The following ADGRL3 variants were observed in gnomAD, a reference collection of about 807,000 sequenced individuals.
ADGRL3 encodes the protein calcium-independent alpha-latrotoxin receptor 3.
ADGRL3 carries 62 observed loss-of-function variants against 153.5 expected under a neutral mutation model. The ratio of observed to expected loss-of-function variants is 0.40; its 90% CI spans 0.33 to 0.50. The LOEUF is 0.50. Ranked by LOEUF, ADGRL3 falls within the 20% of genes least tolerant of loss-of-function variation. The pLI is 0.47. For synonymous variants in ADGRL3, 710 were observed against 672.5 expected (o/e 1.06, Z -0.86); for missense variants, 1,641 against 1,859.4 (o/e 0.88, Z 2.16).
At chr4:62,008,199 A>C (rs2151205911) in intron 21 of ADGRL3, among the ~76,000 whole-genome samples, 1 of 152,282 alleles carries the variant, frequency 6.6e-6, no homozygotes, top group African/African-American at 2.4e-5. Flanking sequence ...GAAATGTAGT[A>C]GTGGACAGAG....
intron 5 of ADGRL3, among the ~76,000 whole-genome samples, chr4:61,670,564 C>T (rs1183493992): frequency 6.6e-6 from 1 of 151,948 alleles, no homozygotes; most frequent in Non-Finnish European, 1.5e-5. Flanking sequence ...AATTCTTGTC[C>T]CATGACCAAG....
At chr4:61,406,015 A>G (rs189107356) in intron 2 of ADGRL3, among the ~76,000 whole-genome samples, 18 of 152,108 alleles carry the variant, frequency 1.2e-4, no homozygotes, top group Admixed American at 3.3e-4. Flanking sequence ...AACTTCAAAC[A>G]TTTTATACAT....
chr4:61,623,885 G>A (rs895936406), intron 5 of ADGRL3, among the ~76,000 whole-genome samples: 2 of 152,104 alleles, frequency 1.3e-5, no homozygotes, highest in African/African-American at 4.8e-5. Flanking sequence ...AACATGAACT[G>A]AAACCAAGGA....
chr4:61,751,837 TG>T (rs1210820442), intron 8 of ADGRL3, among the ~76,000 whole-genome samples: 1 of 151,782 alleles, frequency 6.6e-6, no homozygotes, highest in African/African-American at 2.4e-5. Flanking sequence ...ATTGACAAAA[TG>T]GTGGAAATGG....
intron 23 of ADGRL3, 105 bp from the exon 24 acceptor site, chr4:62,037,626 G>A (rs1040468665): frequency 1.1e-5 from 13 of 1,205,394 alleles, no homozygotes; most frequent in Non-Finnish European, 1.6e-5. Context: ...TGTAGGGCAA[G>A]GAAATAATTA....
At chr4:61,491,479 C>A (rs974857905) in intron 2 of ADGRL3, among the ~76,000 whole-genome samples, 1 of 152,064 alleles carries the variant, frequency 6.6e-6, no homozygotes, top group African/African-American at 2.4e-5. Flanking sequence ...ACACAAATCA[C>A]GATTACTTTG....
At chr4:61,724,312 A>G (rs1222265481) in intron 6 of ADGRL3, among the ~76,000 whole-genome samples, 1 of 152,236 alleles carries the variant, frequency 6.6e-6, no homozygotes, top group Non-Finnish European at 1.5e-5. Context: ...AAAAGAGTCT[A>G]CTAAGAGAGC....
At chr4:61,862,163 C>T (rs956626636) in intron 9 of ADGRL3, among the ~76,000 whole-genome samples, 1 of 152,160 alleles carries the variant, frequency 6.6e-6, no homozygotes, top group African/African-American at 2.4e-5. Context: ...TTCTTTGTTT[C>T]CCCATGACTT....
intron 25 of ADGRL3, among the ~76,000 whole-genome samples, chr4:62,061,235 A>G (rs573458159): frequency 3.9e-5 from 6 of 152,008 alleles, no homozygotes; most frequent in Admixed American, 1.3e-4. Context: ...GGATTGCTAA[A>G]GTGCTGAGAT....
At chr4:61,821,427 A>G (rs1423113704) in intron 9 of ADGRL3, among the ~76,000 whole-genome samples, 1 of 151,752 alleles carries the variant, frequency 6.6e-6, no homozygotes, top group Non-Finnish European at 1.5e-5. Context: ...CAATGGCTTG[A>G]TCTCGTCTCA....
At chr4:61,740,411 C>T (rs1349882794) in intron 8 of ADGRL3, among the ~76,000 whole-genome samples, 3 of 152,114 alleles carry the variant, frequency 2.0e-5, no homozygotes, top group Admixed American at 2.0e-4. Context: ...GCATCACTTA[C>T]CTTTAGCTAT....
At chr4:62,056,791 A>G (rs1335008358) in intron 25 of ADGRL3, among the ~76,000 whole-genome samples, 1 of 152,140 alleles carries the variant, frequency 6.6e-6, no homozygotes, top group Admixed American at 6.6e-5. Context: ...AGAGAGAAAC[A>G]TGATGGACCG....
chr4:61,945,579 A>G (rs2098917541), intron 15 of ADGRL3, among the ~76,000 whole-genome samples: 1 of 132,658 alleles, frequency 7.5e-6, no homozygotes, highest in Admixed American at 7.8e-5. Flanking sequence ...TGTGCTAGCA[A>G]TCAGCGAGAT....
intron 5 of ADGRL3, among the ~76,000 whole-genome samples, chr4:61,635,002 G>T (rs1433977254): frequency 6.6e-6 from 1 of 152,132 alleles, no homozygotes; most frequent in Non-Finnish European, 1.5e-5. Context: ...ACTGAGGCGA[G>T]GGCAAGAAAA....
chr4:61,270,676 C>T (rs1206710089), intron 1 of ADGRL3, among the ~76,000 whole-genome samples: 1 of 151,644 alleles, frequency 6.6e-6, no homozygotes. Context: ...ATTAGGCAGA[C>T]TAAACATAAG....
chr4:61,656,213 C>T (rs1460726500), intron 5 of ADGRL3, among the ~76,000 whole-genome samples: 1 of 152,146 alleles, frequency 6.6e-6, no homozygotes, highest in Non-Finnish European at 1.5e-5. Context: ...TCTTTTGGTG[C>T]TATCACATAT....
At chr4:61,317,247 T>A (rs2095243294) in intron 1 of ADGRL3, among the ~76,000 whole-genome samples, 2 of 152,210 alleles carry the variant, frequency 1.3e-5, no homozygotes, top group Non-Finnish European at 2.9e-5. Flanking sequence ...GAACTAAATC[T>A]GGGAGTGTAT....
intron 7 of ADGRL3, among the ~76,000 whole-genome samples, chr4:61,731,546 G>A (rs1390264445): frequency 6.6e-6 from 1 of 151,984 alleles, no homozygotes; most frequent in Non-Finnish European, 1.5e-5. Flanking sequence ...GTTTCCCATG[G>A]TAGGTTCAGC....
intron 2 of ADGRL3, among the ~76,000 whole-genome samples, chr4:61,487,472 A>T (rs549776873): frequency 2.6e-5 from 4 of 152,226 alleles, no homozygotes; most frequent in Admixed American, 2.0e-4. Flanking sequence ...TATTAGGAAG[A>T]TGATTATTTT....
Sources: gnomAD v4.1 joint callset for allele counts (sites outside exome capture counted in the v4.1 genomes callset) on GRCh38, gnomAD v4.1.1 for gene constraint, MANE v1.5 for transcripts, NCBI Gene and HGNC (gene_info 2026-07-23, HGNC 2026-07-21) for gene names.